WNK3: variants seen among roughly 807,000 people sequenced by gnomAD.
The protein encoded by WNK3 is WNK lysine deficient protein kinase 3.
In WNK3, 18 loss-of-function variants were observed where a neutral mutation model predicts 116.7. The observed-to-expected ratio is 0.15, with a 90% CI of 0.11 to 0.23. The LOEUF (loss-of-function observed/expected upper bound fraction) is 0.23, where lower values mean the gene tolerates loss of function less well. WNK3 is among the 10% of genes least tolerant of loss of function. WNK3 has a pLI of 1.00. For synonymous variants in WNK3, 404 were observed against 469.4 expected (o/e 0.86, Z 1.80); for missense variants, 993 against 1,323.8 (o/e 0.75, Z 3.88).
chrX:54,335,378 A>G (rs181882869), intron 1 of WNK3, among the ~76,000 whole-genome samples: 124 of 112,335 alleles, frequency 1.1e-3, no homozygotes, highest in African/African-American at 3.7e-3. Context: ...GAAATTATGG[A>G]TTTTTCTTTC....
intron 21 of WNK3, 102 bp downstream of exon 21, chrX:54,232,707 A>G: frequency 5.5e-6 from 4 of 733,049 alleles, no homozygotes; most frequent in Non-Finnish European, 5.9e-6. Flanking sequence ...ACTTCTTTAA[A>G]TTATTTTAGC....
At chrX:54,257,789 CAAAAAAAAAAAAAAAAAA>C (rs60655785) in intron 11 of WNK3, among the ~76,000 whole-genome samples, 2 of 15,664 alleles carry the variant, frequency 1.3e-4, no homozygotes, top group African/African-American at 6.6e-4. Flanking sequence ...GACTCTGCCT[CAAAAAAAAAAAAAAAAAA>C]AAAAAAAAAG....
chrX:54,228,375 A>T (rs1057210938), intron 22 of WNK3, among the ~76,000 whole-genome samples: 1 of 112,153 alleles, frequency 8.9e-6, no homozygotes, highest in African/African-American at 3.2e-5. Flanking sequence ...ATTATAAGTA[A>T]AAGAAGCCAG....
At chrX:54,322,539 T>C (rs1186602044) in intron 2 of WNK3, among the ~76,000 whole-genome samples, 1 of 111,606 alleles carries the variant, frequency 9.0e-6, no homozygotes, top group Admixed American at 9.6e-5. Context: ...TAAGAAATCA[T>C]TTGTTCTAAA....
chrX:54,297,847 G>T (rs2068714514), intron 7 of WNK3, among the ~76,000 whole-genome samples: 1 of 111,109 alleles, frequency 9.0e-6, no homozygotes, highest in Non-Finnish European at 1.9e-5. Context: ...GCTGAGGTGG[G>T]CGGATCACAA....
intron 22 of WNK3, chrX:54,223,575 ACCTAGG>A (rs1557147041): frequency 8.8e-6 from 1 of 113,959 alleles, no homozygotes; most frequent in African/African-American, 3.2e-5. Flanking sequence ...TAACCAGTTT[ACCTAGG>A]CCTTGGACTG....
chrX:54,200,869 A>G, intron 23 of WNK3, among the ~76,000 whole-genome samples: 1 of 111,968 alleles, frequency 8.9e-6, no homozygotes, highest in East Asian at 2.8e-4. Context: ...TCTGTGTATA[A>G]ATTGGTGCCA....
intron 22 of WNK3, among the ~76,000 whole-genome samples, chrX:54,204,518 T>C (rs1262339455): frequency 8.0e-5 from 9 of 112,380 alleles, no homozygotes; most frequent in Non-Finnish European, 1.1e-4. Flanking sequence ...CATTTACTAA[T>C]TTGGGGCAAC....
At chrX:54,273,359 G>A (rs976484137) in intron 10 of WNK3, among the ~76,000 whole-genome samples, 4 of 111,492 alleles carry the variant, frequency 3.6e-5, no homozygotes, top group African/African-American at 6.5e-5. Flanking sequence ...TTGGGAGGCC[G>A]AGGCGGGTAG....
rs782440766 is a variant in WNK3, at chrX:54,199,701, G to A, written c.5074-1048C>T. Among the ~76,000 whole-genome samples, 8 of 111,305 alleles carry A rather than the reference G, an allele frequency of 7.2e-5. No individual in the cohort carries two copies. The South Asian group carries it at 2.7e-3, about 37-fold the overall frequency. ...ACTCAAAAATTAGCCAGGTATGGTC[G>A]CGAGCGCCTGTAATCTCGGCTACTC... On this transcript the variant is annotated intron_variant, in intron 23 of 23. Transcript: ENST00000354646.
chrX:54,272,945 T>G (rs925098137), intron 10 of WNK3, among the ~76,000 whole-genome samples: 13 of 112,079 alleles, frequency 1.2e-4, no homozygotes, highest in Non-Finnish European at 2.3e-4. Flanking sequence ...TCTAGAGTAA[T>G]CTTACAAATA....
At chrX:54,262,262 C>A (rs782301479) in intron 10 of WNK3, among the ~76,000 whole-genome samples, 3 of 111,232 alleles carry the variant, frequency 2.7e-5, no homozygotes, top group Admixed American at 9.7e-5. Context: ...TGCATTACTT[C>A]AGTTTTTAAT....
At chrX:54,263,674 C>T (rs921213095) in intron 10 of WNK3, among the ~76,000 whole-genome samples, 1 of 111,423 alleles carries the variant, frequency 9.0e-6, no homozygotes, top group African/African-American at 3.3e-5. Context: ...GTTCAAAGAG[C>T]CAGAGTTGAA....
intron 22 of WNK3, among the ~76,000 whole-genome samples, chrX:54,223,108 T>G (rs2067790106): frequency 9.2e-6 from 1 of 108,267 alleles, no homozygotes; most frequent in African/African-American, 3.4e-5. Context: ...TTACATTAAA[T>G]GGAAATGATT....
At chrX:54,238,615 T>C (rs1035963871) in intron 18 of WNK3, 143 bp from the exon 19 acceptor site, 21 of 584,109 alleles carry the variant, frequency 3.6e-5, no homozygotes, top group African/African-American at 9.2e-5. Flanking sequence ...ATAAGCAACA[T>C]TGTATTAAGT....
chrX:54,267,208 T>C (rs919263674), intron 10 of WNK3, among the ~76,000 whole-genome samples: 2 of 111,114 alleles, frequency 1.8e-5, no homozygotes, highest in African/African-American at 3.3e-5. Context: ...GTATACACCA[T>C]AGGAAACTAT....
chrX:54,312,446 C>T (rs1473598996), intron 2 of WNK3, among the ~76,000 whole-genome samples: 4 of 110,712 alleles, frequency 3.6e-5, no homozygotes, highest in Non-Finnish European at 7.6e-5. Context: ...TTTCTCATTC[C>T]TTTTTTTTCT....
intron 7 of WNK3, among the ~76,000 whole-genome samples, chrX:54,297,748 G>A (rs1055956998): frequency 3.6e-5 from 4 of 110,741 alleles, no homozygotes; most frequent in Non-Finnish European, 5.7e-5. Flanking sequence ...CTGTCACAGC[G>A]ATATAGTTCA....
chrX:54,255,833 T>C lies in WNK3; in HGVS notation c.2157A>G (p.Pro719=), dbSNP rs55808600. Residue 719 remains proline (P), a synonymous_variant, in exon 12 of 24, where the codon CCA becomes CCG. Coordinates refer to ENST00000354646, the Ensembl canonical transcript of WNK3. ...TCCGATCCTGTTTGCCATTTCCACTTGGGTTATCAGGGCTACTGACGTTTT... is the reference window on the plus strand; with the variant it reads ...TCCGATCCTGTTTGCCATTTCCACTCGGGTTATCAGGGCTACTGACGTTTT... 2,874 of 1,207,167 alleles carry C rather than the reference T, an allele frequency of 2.4e-3. 44 individuals carry two copies. The African/African-American group carries it at 0.044, about 19-fold the overall frequency.
Sources: gnomAD v4.1 joint callset for allele counts (sites outside exome capture counted in the v4.1 genomes callset) on GRCh38, gnomAD v4.1.1 for gene constraint, MANE v1.5 for transcripts, NCBI Gene and HGNC (gene_info 2026-07-23, HGNC 2026-07-21) for gene names.